The following PDZRN4 variants were observed in gnomAD, a reference collection of about 807,000 sequenced individuals.
PDZRN4 encodes PDZ domain containing ring finger 4.
Under a neutral mutation model 99.0 loss-of-function variants are expected in PDZRN4, and 70 were observed. That is an observed-to-expected ratio of 0.71 (90% CI 0.58 to 0.86). The LOEUF (loss-of-function observed/expected upper bound fraction) is 0.86, where lower values mean the gene tolerates loss of function less well. PDZRN4 is among the 40% of genes least tolerant of loss of function. The pLI is 0.00. For synonymous variants in PDZRN4, 551 were observed against 501.6 expected, an observed-to-expected ratio of 1.10 and a Z score of -1.32; for missense variants, 1,474 against 1,331.2, an observed-to-expected ratio of 1.11 and a Z score of -1.67.
At chr12:41,265,559 A>C (rs546412188) in intron 3 of PDZRN4, among the ~76,000 whole-genome samples, 1 of 152,200 alleles carries the variant, frequency 6.6e-6, no homozygotes, top group Non-Finnish European at 1.5e-5. Flanking sequence ...TAAGGAAAAC[A>C]CTAGGCATTA....
chr12:41,485,426 C>T (rs1937755981), intron 3 of PDZRN4, among the ~76,000 whole-genome samples: 1 of 152,106 alleles, frequency 6.6e-6, no homozygotes, highest in Non-Finnish European at 1.5e-5. Flanking sequence ...TCCCAGCATG[C>T]CAGGACTCAC....
At chr12:41,205,120 A>G (rs1047788208) in intron 3 of PDZRN4, among the ~76,000 whole-genome samples, 2 of 151,958 alleles carry the variant, frequency 1.3e-5, no homozygotes, top group Non-Finnish European at 2.9e-5. Context: ...ATTTTTTATT[A>G]TGTATTTATT....
At chr12:41,452,834 C>A (rs1478998572) in intron 3 of PDZRN4, among the ~76,000 whole-genome samples, 1 of 151,984 alleles carries the variant, frequency 6.6e-6, no homozygotes, top group Admixed American at 6.6e-5. Flanking sequence ...TTTGCTGCAA[C>A]GAAAAAGTGT....
intron 3 of PDZRN4, among the ~76,000 whole-genome samples, chr12:41,456,262 G>T (rs1952815784): frequency 6.6e-6 from 1 of 152,162 alleles, no homozygotes. Context: ...AGACACCTCA[G>T]TTGGAACCAA....
intron 3 of PDZRN4, among the ~76,000 whole-genome samples, chr12:41,297,795 T>C (rs533389241): frequency 3.3e-5 from 5 of 152,146 alleles, no homozygotes; most frequent in Non-Finnish European, 7.4e-5. Context: ...AGTCATTTAG[T>C]TGGGGTAAAA....
Position 41,573,773 on chromosome 12 carries a change from G to T in PDZRN4, c.2994G>T (p.Lys998Asn). Residue 998 changes from lysine (K) to asparagine (N), a missense_variant, in exon 10 of 10, where the codon AAG (lysine) becomes AAT (asparagine). Physicochemically the swap from Lys to Asn is moderately conservative, Grantham distance 94. Transcript: ENST00000402685. ...IELSHKKMMKKRNKKILDNWM... is the reference protein window; with the variant it reads ...IELSHKKMMKNRNKKILDNWM... ...TGAGTCACAAAAAGATGATGAAAAAGAGAAACAAGAAAATTTTGGACAACT... is the reference window on the plus strand; with the variant it reads ...TGAGTCACAAAAAGATGATGAAAAATAGAAACAAGAAAATTTTGGACAACT... The T allele has an allele frequency of 6.2e-7, 1 of 1,613,828 alleles. No individual in the cohort carries two copies. Among genetic ancestry groups the T allele is most frequent in the Non-Finnish European group, 8.5e-7 (1 of 1,179,934 alleles).
intron 5 of PDZRN4, among the ~76,000 whole-genome samples, chr12:41,533,687 C>T (rs189035371): frequency 3.9e-5 from 6 of 152,202 alleles, no homozygotes; most frequent in South Asian, 2.1e-4. Context: ...GTGTTTCCTA[C>T]GCATTTTTTG....
At chr12:41,213,235 T>C (rs888913304) in intron 3 of PDZRN4, among the ~76,000 whole-genome samples, 3 of 151,946 alleles carry the variant, frequency 2.0e-5, no homozygotes, top group African/African-American at 7.2e-5. Context: ...TGCTGTAACG[T>C]TGCAAGTGGA....
Position 41,572,332 on chromosome 12 carries a change from T to G in PDZRN4, c.1585-32T>G, listed in dbSNP as rs747370644. 7.0e-5 allele frequency: 108 copies of G among 1,540,042 alleles called. No individual in the cohort carries two copies. In the South Asian group the frequency reaches 1.2e-3, roughly 18 times the overall value. ...AACAAATGTCTTCCAAAATCATTAATTTTCTTTGTTCTTTCAACATCATTT... is the reference window on the plus strand; with the variant it reads ...AACAAATGTCTTCCAAAATCATTAAGTTTCTTTGTTCTTTCAACATCATTT... On this transcript the variant is annotated intron_variant, in intron 9 of 9. Transcript: ENST00000402685.
At chr12:41,438,430 T>G (rs1193716977) in intron 3 of PDZRN4, among the ~76,000 whole-genome samples, 1 of 152,212 alleles carries the variant, frequency 6.6e-6, no homozygotes, top group Non-Finnish European at 1.5e-5. Flanking sequence ...AGAAGTTTCC[T>G]GCCAAATCCT....
In PDZRN4 at chr12:41,281,071, C is replaced by G. The variant is rs915963754; in HGVS notation, c.843+86883C>G. On this transcript the variant is annotated intron_variant, in intron 3 of 9. Coordinates refer to ENST00000402685, the MANE Select transcript of PDZRN4 (RefSeq NM_001164595.2). ...CCTCTGCTGGTGATACCCAGGTAAACAGGGTCTGGAGTGGACCCACAGCAA... is the reference window on the plus strand; with the variant it reads ...CCTCTGCTGGTGATACCCAGGTAAAGAGGGTCTGGAGTGGACCCACAGCAA... Among the ~76,000 whole-genome samples the G allele has an allele frequency of 4.1e-5, 6 of 148,082 alleles. No individual in the cohort carries two copies. In the East Asian group the frequency reaches 1.2e-3, roughly 30 times the overall value.
At chr12:41,399,384 C>G (rs2121137183) in intron 3 of PDZRN4, among the ~76,000 whole-genome samples, 1 of 152,208 alleles carries the variant, frequency 6.6e-6, no homozygotes. Flanking sequence ...CTAAAGATTT[C>G]TTTTTCTTTT....
chr12:41,370,467 C>T (rs1334083187), intron 3 of PDZRN4, among the ~76,000 whole-genome samples: 1 of 151,874 alleles, frequency 6.6e-6, no homozygotes, highest in Non-Finnish European at 1.5e-5. Flanking sequence ...ATAACTAATT[C>T]TGCCTTTTCT....
At chr12:41,480,521 C>A (rs950249791) in intron 3 of PDZRN4, among the ~76,000 whole-genome samples, 6 of 152,114 alleles carry the variant, frequency 3.9e-5, no homozygotes, top group African/African-American at 1.4e-4. Context: ...GGTTTTATTT[C>A]ATATCCCAAA....
chr12:41,502,729 G>T (rs977403998), intron 3 of PDZRN4, among the ~76,000 whole-genome samples: 1 of 151,712 alleles, frequency 6.6e-6, no homozygotes, highest in Non-Finnish European at 1.5e-5. Flanking sequence ...TATGTCATCC[G>T]TACAAGACTA....
intron 3 of PDZRN4, among the ~76,000 whole-genome samples, chr12:41,469,707 C>T (rs34057539): frequency 0.14 from 20,785 of 151,812 alleles, 1,477 homozygotes; most frequent in South Asian, 0.23. Context: ...CGAGGGGGGC[C>T]GATCACGAGG....
intron 3 of PDZRN4, chr12:41,412,185 A>T (rs1952405221): frequency 6.6e-6 from 1 of 151,912 alleles, no homozygotes; most frequent in African/African-American, 2.4e-5. Context: ...GCAGTCGTAG[A>T]CCCCCTTGAA....
At chr12:41,427,654 CAT>C (rs1952548351) in intron 3 of PDZRN4, among the ~76,000 whole-genome samples, 1 of 152,122 alleles carries the variant, frequency 6.6e-6, no homozygotes, top group South Asian at 2.1e-4. Flanking sequence ...TGGATATTAA[CAT>C]GTCGATTTTT....
chr12:41,329,470 A>T (rs1435070438), intron 3 of PDZRN4, among the ~76,000 whole-genome samples: 2 of 152,102 alleles, frequency 1.3e-5, no homozygotes, highest in Non-Finnish European at 2.9e-5. Flanking sequence ...GTAGCTTGTG[A>T]AATTTTTTTC....
Sources: gnomAD v4.1 joint callset for allele counts (sites outside exome capture counted in the v4.1 genomes callset) on GRCh38, gnomAD v4.1.1 for gene constraint, MANE v1.5 for transcripts, NCBI Gene and HGNC (gene_info 2026-07-23, HGNC 2026-07-21) for gene names.